The following CEACAM21 variants were observed in gnomAD, a reference collection of about 807,000 sequenced individuals.
CEACAM21 encodes the protein CEA cell adhesion molecule 21, also known as cell adhesion molecule CEACAM21.
A neutral mutation model predicts 33.2 loss-of-function variants in CEACAM21; 38 were observed. That is an observed-to-expected ratio of 1.14 (90% CI 0.88 to 1.50). The LOEUF is 1.50. Ranked by LOEUF, CEACAM21 falls within the 40% of genes most tolerant of loss-of-function variation. The pLI is 0.00. For synonymous variants in CEACAM21, 156 were observed against 143.0 expected, an observed-to-expected ratio of 1.09 and a Z score of -0.65; for missense variants, 385 against 364.6, an observed-to-expected ratio of 1.06 and a Z score of -0.46.
At chr19:41,560,443 A>G (rs2041813448) in intron 1 of CEACAM21, among the ~76,000 whole-genome samples, 1 of 152,090 alleles carries the variant, frequency 6.6e-6, no homozygotes, top group East Asian at 1.9e-4. Flanking sequence ...ACTGGTCTTG[A>G]ACTCCAAACC....
chr19:41,575,205 A>T (rs537865312), upstream of CEACAM21, among the ~76,000 whole-genome samples: 2 of 152,330 alleles, frequency 1.3e-5, no homozygotes, highest in South Asian at 4.1e-4. Flanking sequence ...GGAGTTATTG[A>T]TTAAAAGTAT....
At chr19:41,571,534 C>A (rs1274004946), upstream of CEACAM21, among the ~76,000 whole-genome samples, 1 of 152,188 alleles carries the variant, frequency 6.6e-6, no homozygotes, top group Non-Finnish European at 1.5e-5. Flanking sequence ...GATGCTCTCA[C>A]CATCCTAGAA....
At chr19:41,555,336 CAT>C (rs2041471272) in intron 1 of CEACAM21, 1 of 117,430 alleles carries the variant, frequency 8.5e-6, no homozygotes, top group Non-Finnish European at 1.7e-5. Context: ...TGCAAGGAAA[CAT>C]ATAGATGAGC....
intron 3 of CEACAM21, among the ~76,000 whole-genome samples, chr19:41,582,495 G>A (rs543540194): frequency 6.6e-6 from 1 of 152,348 alleles, no homozygotes; most frequent in South Asian, 2.1e-4. Context: ...CCTAGCAGAG[G>A]TTCTCCATGA....
intron 4 of CEACAM21, among the ~76,000 whole-genome samples, chr19:41,584,955 C>G (rs1035613448): frequency 2.6e-5 from 4 of 152,236 alleles, no homozygotes; most frequent in Non-Finnish European, 4.4e-5. Context: ...GTTTATGTCT[C>G]TTGCCAAAGG....
chr19:41,575,492 T>A (rs543446942), upstream of CEACAM21, among the ~76,000 whole-genome samples: 5 of 152,270 alleles, frequency 3.3e-5, no homozygotes, highest in East Asian at 7.7e-4. Flanking sequence ...CAACTGCAGA[T>A]CCACAAAATA....
At chr19:41,576,073 G>A (rs111705471), upstream of CEACAM21, 6,470 of 613,436 alleles carry the variant, frequency 0.011, 343 homozygotes, top group African/African-American at 0.11. Flanking sequence ...AAGGGAGGCA[G>A]GACTGAGAGG....
rs1281977819 is a variant in CEACAM21 at position 41,563,645 on chromosome 19, T to A, written c.-778-1037T>A. Among the ~76,000 whole-genome samples the A allele has an allele frequency of 3.3e-5, 5 of 152,148 alleles. No homozygotes were observed. The East Asian group carries it at 7.7e-4, about 23-fold the overall frequency. ...GCGTGAAAGGCGGACTTTGAACAGATCCCATCCAGGGAGCTGCTCTGCTGC... is the reference window on the plus strand; with the variant it reads ...GCGTGAAAGGCGGACTTTGAACAGAACCCATCCAGGGAGCTGCTCTGCTGC... On this transcript the variant is annotated intron_variant, in intron 1 of 7. Coordinates refer to the CEACAM21 transcript ENST00000407170.
At position 41,577,249 on chromosome 19, in the gene CEACAM21, T is replaced by C. The variant is rs372228462; in HGVS notation, c.114T>C (p.Ile38=). ...CACCCACCACTGCCTGGCTCTTTAT[T>C]GCATCAGCGCCCTTTGAAGTTGCTG... is the stretch of plus-strand genomic sequence containing the variant. ...WNAPTTAWLF[I]ASAPFEVAEG... Residue 38 remains isoleucine, a synonymous_variant, in exon 2 of 7, where the codon ATT becomes ATC. Transcript: ENST00000401445. 7.4e-6 allele frequency: 12 copies of C among 1,614,034 alleles called. No individual in the cohort carries two copies. The highest frequency in any genetic ancestry group is 1.3e-5 in the African/African-American group (1 of 74,912).
chr19:41,558,612 A>C (rs1207227596), intron 1 of CEACAM21, among the ~76,000 whole-genome samples: 6 of 152,286 alleles, frequency 3.9e-5, no homozygotes, highest in African/African-American at 1.4e-4. Context: ...ATGCCACTGC[A>C]CTCCAGCCTG....
intron 1 of CEACAM21, among the ~76,000 whole-genome samples, chr19:41,563,203 C>T (rs1436209910): frequency 6.6e-6 from 1 of 152,076 alleles, no homozygotes; most frequent in East Asian, 1.9e-4. Context: ...GTTGGGGATA[C>T]TGGTTCTGTT....
At chr19:41,576,020 T>A (rs1422802543), upstream of CEACAM21, among the ~76,000 whole-genome samples, 1 of 151,988 alleles carries the variant, frequency 6.6e-6, no homozygotes, top group Non-Finnish European at 1.5e-5. Context: ...AAGTTTTGCC[T>A]AGGGAACCAA....
intron 1 of CEACAM21, among the ~76,000 whole-genome samples, chr19:41,558,319 T>G (rs2041663805): frequency 6.6e-6 from 1 of 152,210 alleles, no homozygotes; most frequent in Admixed American, 6.5e-5. Flanking sequence ...TGACTATCTT[T>G]GAAACATCTA....
chr19:41,568,664 G>A (rs889969808), intron 2 of CEACAM21, among the ~76,000 whole-genome samples: 10 of 152,142 alleles, frequency 6.6e-5, no homozygotes, highest in Non-Finnish European at 1.5e-4. Context: ...TTTATGCCAG[G>A]ACCATGCTGA....
intron 3 of CEACAM21, among the ~76,000 whole-genome samples, chr19:41,579,964 G>T (rs2043252166): frequency 1.3e-5 from 2 of 152,160 alleles, no homozygotes; most frequent in Admixed American, 1.3e-4. Flanking sequence ...CAGAGCCAGG[G>T]CTCAATCAGT....
chr19:41,572,075 T>G (rs1320122169), upstream of CEACAM21, among the ~76,000 whole-genome samples: 5 of 152,016 alleles, frequency 3.3e-5, no homozygotes, highest in Admixed American at 3.3e-4. Flanking sequence ...AAGAAGATGA[T>G]CTCTATGTGA....
intron 1 of CEACAM21, among the ~76,000 whole-genome samples, chr19:41,559,055 C>T (rs980802009): frequency 1.3e-5 from 2 of 152,120 alleles, no homozygotes; most frequent in Non-Finnish European, 2.9e-5. Flanking sequence ...ATCAAGCAGT[C>T]AAATGAATCA....
chr19:41,553,815 C>G (rs184621246), intron 1 of CEACAM21: 2 of 152,204 alleles, frequency 1.3e-5, no homozygotes, highest in East Asian at 3.9e-4. Flanking sequence ...GCACAGCATT[C>G]TGGTCAAAAC....
chr19:41,578,589 G>A (rs951812203), intron 2 of CEACAM21, among the ~76,000 whole-genome samples: 12 of 152,220 alleles, frequency 7.9e-5, no homozygotes, highest in Non-Finnish European at 1.2e-4. Context: ...TGTTGGTTCA[G>A]CTCCTTTCTT....
Sources: gnomAD v4.1 joint callset for allele counts (sites outside exome capture counted in the v4.1 genomes callset) on GRCh38, gnomAD v4.1.1 for gene constraint, MANE v1.5 for transcripts, NCBI Gene and HGNC (gene_info 2026-07-23, HGNC 2026-07-21) for gene names.